BLTP3B: variants seen among roughly 807,000 people sequenced by gnomAD.
The protein encoded by BLTP3B is bridge-like lipid transfer protein family member 3B.
At chr12:100,065,055 G>C in the BLTP3B span, among the ~76,000 whole-genome samples, 1 of 152,062 alleles carries the variant, frequency 6.6e-6, no homozygotes, top group Non-Finnish European at 1.5e-5. Flanking sequence ...GGGAAGTCAG[G>C]GACCCTGAAC....
At chr12:100,053,473 G>C in the BLTP3B span, among the ~76,000 whole-genome samples, 1 of 152,116 alleles carries the variant, frequency 6.6e-6, no homozygotes, top group Non-Finnish European at 1.5e-5. Context: ...AAGAGATGTG[G>C]AAAGACTAGT....
chr12:100,134,504 C>A, the BLTP3B span, among the ~76,000 whole-genome samples: 5 of 152,096 alleles, frequency 3.3e-5, no homozygotes, highest in Non-Finnish European at 5.9e-5. Flanking sequence ...GTAATTCCAG[C>A]CACTCGGGAG....
chr12:100,098,043 C>T, the BLTP3B span, among the ~76,000 whole-genome samples: 1 of 151,998 alleles, frequency 6.6e-6, no homozygotes, highest in Non-Finnish European at 1.5e-5. Flanking sequence ...ATGGCAAAAC[C>T]CTGTCTCTAC....
At chr12:100,045,330 C>T in the BLTP3B span, among the ~76,000 whole-genome samples, 7 of 152,300 alleles carry the variant, frequency 4.6e-5, no homozygotes, top group African/African-American at 7.2e-5. Flanking sequence ...GGAGGCATCA[C>T]GCTATCTGAC....
chr12:100,140,726 A>AAT, the BLTP3B span, among the ~76,000 whole-genome samples: 2 of 111,284 alleles, frequency 1.8e-5, no homozygotes, highest in Admixed American at 8.8e-5. Flanking sequence ...AAAAAAAAAA[A>AAT]AAAATATATA....
At chr12:100,083,279 A>T in the BLTP3B span, 1 of 583,830 alleles carries the variant, frequency 1.7e-6, no homozygotes, top group South Asian at 2.4e-5. Flanking sequence ...TATAAATTAT[A>T]AAGTAATACA....
the BLTP3B span, among the ~76,000 whole-genome samples, chr12:100,097,105 A>T: frequency 2.6e-5 from 4 of 152,170 alleles, no homozygotes; most frequent in Non-Finnish European, 4.4e-5. Context: ...AGATAAAAAT[A>T]AAAAGAACAA....
chr12:100,084,675 A>C, the BLTP3B span: 3 of 1,604,552 alleles, frequency 1.9e-6, no homozygotes, highest in Non-Finnish European at 2.6e-6. Context: ...AATGAACAAC[A>C]GGTATTTCAT....
the BLTP3B span, among the ~76,000 whole-genome samples, chr12:100,119,813 C>G: frequency 6.6e-6 from 1 of 152,092 alleles, no homozygotes; most frequent in African/African-American, 2.4e-5. Context: ...TTATCACAGA[C>G]CTAAATCTAA....
the BLTP3B span, chr12:100,102,870 T>C: frequency 6.7e-7 from 1 of 1,489,532 alleles, no homozygotes; most frequent in Non-Finnish European, 9.2e-7. Flanking sequence ...AATAAAAACG[T>C]TAAAATATAA....
At chr12:100,133,261 TAAAC>T in the BLTP3B span, among the ~76,000 whole-genome samples, 3 of 151,998 alleles carry the variant, frequency 2.0e-5, no homozygotes, top group East Asian at 1.9e-4. Flanking sequence ...AATAAATAAA[TAAAC>T]AAATAAAACC....
the BLTP3B span, among the ~76,000 whole-genome samples, chr12:100,124,933 A>ATT: frequency 2.0e-4 from 9 of 45,092 alleles, no homozygotes; most frequent in Admixed American, 3.6e-4. Context: ...AAAAAAAAAA[A>ATT]TTTTATATAT....
the BLTP3B span, among the ~76,000 whole-genome samples, chr12:100,113,278 C>T: frequency 6.6e-6 from 1 of 152,004 alleles, no homozygotes; most frequent in East Asian, 1.9e-4. Flanking sequence ...GAGTTCGAGA[C>T]CATCCTGGCC....
chr12:100,063,638 G>A, the BLTP3B span, among the ~76,000 whole-genome samples: 19 of 150,216 alleles, frequency 1.3e-4, no homozygotes, highest in Admixed American at 4.0e-4. Flanking sequence ...CCCAGGAGAC[G>A]AAGGTTGCGG....
the BLTP3B span, among the ~76,000 whole-genome samples, chr12:100,118,533 A>G: frequency 6.6e-6 from 1 of 152,224 alleles, no homozygotes; most frequent in Non-Finnish European, 1.5e-5. Context: ...ATGGAATAGA[A>G]AAAGGACATT....
chr12:100,102,990 C>T, the BLTP3B span: 440 of 544,662 alleles, frequency 8.1e-4, 2 homozygotes, highest in African/African-American at 7.8e-3. Context: ...CATTTAAGTG[C>T]CTCTCTACAG....
the BLTP3B span, among the ~76,000 whole-genome samples, chr12:100,094,144 G>A: frequency 6.6e-6 from 1 of 152,146 alleles, no homozygotes; most frequent in East Asian, 1.9e-4. Flanking sequence ...TTTGGAAACA[G>A]ATCTCACTCT....
the BLTP3B span, among the ~76,000 whole-genome samples, chr12:100,040,066 T>C: frequency 1.3e-5 from 2 of 152,194 alleles, no homozygotes; most frequent in Non-Finnish European, 2.9e-5. Context: ...GTTTATTCGA[T>C]TTAATAGATT....
At chr12:100,048,735 G>GGA in the BLTP3B span, among the ~76,000 whole-genome samples, 2,270 of 119,442 alleles carry the variant, frequency 0.019, 46 homozygotes, top group African/African-American at 0.033. Context: ...GTAAGGGGGG[G>GGA]GAGAGAGAGA....
Sources: allele counts gnomAD v4.1 joint callset (sites outside exome capture counted in the v4.1 genomes callset), GRCh38; gene constraint gnomAD v4.1.1; transcripts MANE v1.5; gene names NCBI Gene and HGNC (gene_info 2026-07-23, HGNC 2026-07-21).